The following ZNF57 variants were observed in gnomAD, a reference collection of about 807,000 sequenced individuals.
ZNF57 encodes zinc finger protein 424.
Under a neutral mutation model 13.4 loss-of-function variants are expected in ZNF57, and 11 were observed. That is an observed-to-expected ratio of 0.82 (90% confidence interval 0.52 to 1.36). The LOEUF (loss-of-function observed/expected upper bound fraction) is 1.36. ZNF57 is among the 40% of genes most tolerant of loss of function. The pLI is 0.00. For missense variants in ZNF57, 696 were observed against 667.5 expected, an observed-to-expected ratio of 1.04 and a Z score of -0.47; for synonymous variants, 224 against 238.5, an observed-to-expected ratio of 0.94 and a Z score of 0.56.
At position 2,910,585 on chromosome 19, in the gene ZNF57, C is replaced by T. The variant is rs1402980037; in HGVS notation, c.4-4937C>T. ...ACGCCATTCTCCTGCCTCAGCCTCCCCAGCAGCTGGGACTACAGGTACTCC... is the reference window on the plus strand; with the variant it reads ...ACGCCATTCTCCTGCCTCAGCCTCCTCAGCAGCTGGGACTACAGGTACTCC... On this transcript the variant is annotated intron_variant, in intron 1 of 3. Transcript: ENST00000306908. 7.5e-5 allele frequency among the ~76,000 whole-genome samples: 8 copies of T among 107,302 alleles called. 3 individuals carry two copies. The highest frequency in any genetic ancestry group is 2.2e-4 in the Admixed American group (2 of 8,912). 70.4% of individuals were successfully genotyped at this position (107,302 alleles called of 152,430 possible). A position where few individuals can be genotyped will look rare whatever the true frequency, so the allele number is the denominator to read the frequency against.
At chr19:2,908,195 T>G (rs2088092873) in intron 1 of ZNF57, among the ~76,000 whole-genome samples, 1 of 152,210 alleles carries the variant, frequency 6.6e-6, no homozygotes, top group South Asian at 2.1e-4. Flanking sequence ...ATCTCTTTGT[T>G]CTGTTGGGGT....
chr19:2,916,300 C>CT (rs2088194843), intron 3 of ZNF57, 51 bp downstream of exon 3: 6 of 1,451,892 alleles, frequency 4.1e-6, no homozygotes, highest in African/African-American at 1.4e-5. Context: ...AAATATATAT[C>CT]TAAGTATTGC....
At chr19:2,909,362 G>C (rs1327730350) in intron 1 of ZNF57, among the ~76,000 whole-genome samples, 1 of 69,604 alleles carries the variant, frequency 1.4e-5, no homozygotes, top group Non-Finnish European at 3.3e-5. Flanking sequence ...CTCACTGCAA[G>C]CTCTGCCTCC....
chr19:2,901,200 C>G, intron 1 of ZNF57, 152 bp downstream of exon 1: 1 of 957,996 alleles, frequency 1.0e-6, no homozygotes, highest in Non-Finnish European at 1.4e-6. Flanking sequence ...GCCATCACAG[C>G]GGCCGGGCTG....
chr19:2,914,835 T>C (rs1197229291), intron 1 of ZNF57, among the ~76,000 whole-genome samples: 1 of 152,214 alleles, frequency 6.6e-6, no homozygotes, highest in African/African-American at 2.4e-5. Context: ...CTTTACCATC[T>C]GTAGTCATGT....
intron 1 of ZNF57, among the ~76,000 whole-genome samples, chr19:2,906,228 A>T (rs193121940): frequency 4.4e-4 from 67 of 152,224 alleles, no homozygotes; most frequent in African/African-American, 1.5e-3. Flanking sequence ...AATTAAAAAA[A>T]ATTTTTATAG....
At chr19:2,911,212 T>C (rs1234692981) in intron 1 of ZNF57, among the ~76,000 whole-genome samples, 1 of 151,986 alleles carries the variant, frequency 6.6e-6, no homozygotes. Flanking sequence ...ACAGGGTATA[T>C]GCCTCCAAGC....
chr19:2,903,351 A>G (rs1161401356), intron 1 of ZNF57, among the ~76,000 whole-genome samples: 12 of 152,124 alleles, frequency 7.9e-5, no homozygotes, highest in Admixed American at 7.9e-4. Flanking sequence ...AGCTGGGATT[A>G]CAGGCACTTG....
intron 2 of ZNF57, 28 bp downstream of exon 2, chr19:2,915,676 G>A: frequency 1.2e-6 from 2 of 1,613,250 alleles, no homozygotes; most frequent in Non-Finnish European, 1.7e-6. Flanking sequence ...CCTTCCCTTG[G>A]TTTTTAATGA....
chr19:2,917,054 T>C lies in ZNF57; in HGVS notation c.433T>C (p.Cys145Arg). ...AGEKPYECTK[C>R]RTVFTHLSSL... ...AGAAAAACCATATGAATGCACCAAG[T>C]GCAGGACAGTCTTCACGCATCTTTC... The change falls in exon 4 of 4, where the codon TGC becomes CGC. Residue 145 changes from cysteine (C) to arginine (R), a missense_variant. Physicochemically the swap from Cys to Arg is radical, Grantham distance 180. Coordinates refer to ENST00000306908, the MANE Select transcript of ZNF57 (RefSeq NM_173480.3). 1 of 1,614,188 alleles carries C rather than the reference T, an allele frequency of 6.2e-7. No individual in the cohort carries two copies. The highest frequency in any genetic ancestry group is 8.5e-7 in the Non-Finnish European group (1 of 1,180,030).
chr19:2,917,114 C>G lies in ZNF57; in HGVS notation c.493C>G (p.Arg165Gly). The G allele has an allele frequency of 1.2e-6, 2 of 1,613,946 alleles. No individual in the cohort carries two copies. Among genetic ancestry groups the G allele is most frequent in the Non-Finnish European group, 1.7e-6 (2 of 1,179,858 alleles). Reference protein sequence around the residue: ...LKRHVKSHCGRKAPPGEECKQ... With the variant: ...LKRHVKSHCGGKAPPGEECKQ... ...AAGGCACGTCAAGTCTCACTGTGGA[C>G]GAAAAGCACCTCCAGGTGAGGAATG... The change falls in exon 4 of 4, where the codon CGA (arginine) becomes GGA (glycine). Residue 165 changes from arginine (R) to glycine (G), a missense_variant. By Grantham distance (125) the Arg-to-Gly change is moderately radical (BLOSUM62 -2). Around this residue, in one of 3 missense-constraint regions of ZNF57, gnomAD observed 645 missense variants for 591.5 expected, o/e 1.09. Coordinates refer to ENST00000306908, the MANE Select transcript of ZNF57 (RefSeq NM_173480.3).
At chr19:2,916,508 C>A (rs1056031788) in intron 3 of ZNF57, 6 of 305,906 alleles carry the variant, frequency 2.0e-5, no homozygotes, top group Non-Finnish European at 3.0e-5. Flanking sequence ...GTCAGGAGAT[C>A]AAGACCATTC....
chr19:2,904,608 C>G (rs1480505022), intron 1 of ZNF57, among the ~76,000 whole-genome samples: 4 of 152,152 alleles, frequency 2.6e-5, no homozygotes, highest in Non-Finnish European at 4.4e-5. Flanking sequence ...GTGGCACCAT[C>G]TCGGCTCACT....
intron 1 of ZNF57, among the ~76,000 whole-genome samples, chr19:2,909,279 T>C (rs1186689294): frequency 4.1e-5 from 5 of 121,074 alleles, no homozygotes; most frequent in African/African-American, 1.5e-4. Context: ...TTATTTATTT[T>C]TGTTTTTTTT....
chr19:2,903,502 G>C (rs965161620), intron 1 of ZNF57, among the ~76,000 whole-genome samples: 7 of 151,824 alleles, frequency 4.6e-5, no homozygotes, highest in African/African-American at 1.7e-4. Context: ...GTGAGCCACC[G>C]CGCCCGGCCT....
chr19:2,913,001 T>G (rs1290417926), intron 1 of ZNF57, among the ~76,000 whole-genome samples: 2 of 152,196 alleles, frequency 1.3e-5, no homozygotes, highest in Non-Finnish European at 2.9e-5. Context: ...TCACCCAGGC[T>G]GGAGTGCAAT....
At position 2,916,216 on chromosome 19, in the gene ZNF57, G is replaced by T. The variant is rs1279611760; in HGVS notation, c.269G>T (p.Gly90Val). Reference sequence around the variant, plus strand: ...TACACTTTAGAAAAAAATTGTGAAGGCTATGGCACTGAAGACCACCACAAA... The same window carrying T: ...TACACTTTAGAAAAAAATTGTGAAGTCTATGGCACTGAAGACCACCACAAA... ...CAYTLEKNCE[G>V]YGTEDHHKNL... Residue 90 changes from glycine to valine, a missense_variant, in exon 3 of 4, where the codon GGC (glycine) becomes GTC (valine). Physicochemically the swap from Gly to Val is moderately radical, Grantham distance 109. Coordinates refer to ENST00000306908, the MANE Select transcript of ZNF57 (RefSeq NM_173480.3). 1.2e-6 allele frequency: 2 copies of T among 1,612,160 alleles called. No homozygotes were observed. Among genetic ancestry groups the T allele is most frequent in the African/African-American group, 2.7e-5 (2 of 74,806 alleles).
At chr19:2,901,294 G>A (rs1435703669) in intron 1 of ZNF57, among the ~76,000 whole-genome samples, 1 of 113,646 alleles carries the variant, frequency 8.8e-6, no homozygotes, top group African/African-American at 3.3e-5. Context: ...CAGGAGGGGG[G>A]CTGGAGGTAG....
chr19:2,915,153 C>T (rs1257013745), intron 1 of ZNF57: 1 of 174,934 alleles, frequency 5.7e-6, no homozygotes, highest in Non-Finnish European at 1.2e-5. Flanking sequence ...TTACCATTTT[C>T]TGCAGTAGCT....
Sources: allele counts gnomAD v4.1 joint callset (sites outside exome capture counted in the v4.1 genomes callset), GRCh38; gene constraint gnomAD v4.1.1; regional missense constraint gnomAD v4.1.1; transcripts MANE v1.5; gene names NCBI Gene and HGNC (gene_info 2026-07-23, HGNC 2026-07-21).